The following C1orf167 variants were observed in gnomAD, a reference collection of about 807,000 sequenced individuals.
The protein encoded by C1orf167 is uncharacterized protein C1orf167.
A neutral mutation model predicts 176.5 loss-of-function variants in C1orf167; 153 were observed. That is an observed-to-expected ratio of 0.87 (90% confidence interval 0.76 to 0.99). The LOEUF (loss-of-function observed/expected upper bound fraction) is 0.99. Ranked by LOEUF, C1orf167 falls within the 50% of genes least tolerant of loss-of-function variation. C1orf167 has a pLI of 0.00. For synonymous variants in C1orf167, 594 were observed against 752.7 expected, an observed-to-expected ratio of 0.79 and a Z score of 3.45; for missense variants, 1,490 against 1,817.7, an observed-to-expected ratio of 0.82 and a Z score of 3.28.
intron 8 of C1orf167, among the ~76,000 whole-genome samples, chr1:11,773,659 G>A (rs887779152): frequency 6.6e-4 from 100 of 152,250 alleles, no homozygotes; most frequent in African/African-American, 2.1e-3. Context: ...AGTGAGCCGA[G>A]ATCGTGCCAC....
intron 16 of C1orf167, 61 bp from the exon 17 acceptor site, chr1:11,787,327 C>T (rs188514323): frequency 6.9e-5 from 75 of 1,088,508 alleles, no homozygotes; most frequent in South Asian, 5.4e-4. Flanking sequence ...GAAATCCCAG[C>T]GGGGCCCCAG....
At chr1:11,764,221 C>T (rs563580768) in intron 1 of C1orf167, 110 bp from the exon 2 acceptor site, 3 of 398,876 alleles carry the variant, frequency 7.5e-6, no homozygotes, top group East Asian at 1.5e-4. Flanking sequence ...AGGCCCCAGG[C>T]AGCTGGGACC....
intron 8 of C1orf167, among the ~76,000 whole-genome samples, chr1:11,774,148 G>A (rs1323861074): frequency 3.9e-5 from 6 of 152,040 alleles, no homozygotes; most frequent in South Asian, 2.1e-4. Context: ...CAAGCAATTC[G>A]CCCACCTTGA....
At chr1:11,777,685 AC>A (rs1401260450) in intron 10 of C1orf167, 4 of 150,824 alleles carry the variant, frequency 2.7e-5, no homozygotes, top group African/African-American at 9.8e-5. Flanking sequence ...AAAGCCACAC[AC>A]CCACATGGTC....
chr1:11,788,515 T>C, intron 19 of C1orf167, 137 bp downstream of exon 19: 1 of 1,103,282 alleles, frequency 9.1e-7, no homozygotes. Flanking sequence ...TCTGCATTCT[T>C]AATACTCCTC....
Position 11,784,335 on chromosome 1 carries a change from C to T in C1orf167, c.3167C>T (p.Ala1056Val), listed in dbSNP as rs1643739468. 1.5e-6 allele frequency: 2 copies of T among 1,303,750 alleles called. No homozygotes were observed. Among genetic ancestry groups the T allele is most frequent in the South Asian group, 2.5e-5 (2 of 80,906 alleles). The allele number at this position is 1,303,750 out of a possible 1,614,324, so 80.8% of individuals were successfully genotyped here. ...GCCGGGGCACAGGAGCAGCGTGTGG[C>T]CCAGGCCTCCCTTGCCCGCTGGAGA... is the stretch of plus-strand genomic sequence containing the variant. The part of the protein sequence containing the change: ...VAAGAQEQRV[A>V]QASLARWRSC... The change falls in exon 15 of 21, where the codon GCC becomes GTC. Residue 1056 changes from alanine to valine, a missense_variant. Coordinates refer to ENST00000688073, the MANE Select transcript of C1orf167 (RefSeq NM_001010881.2).
intron 10 of C1orf167, among the ~76,000 whole-genome samples, chr1:11,776,841 C>T (rs1037060405): frequency 6.6e-5 from 10 of 152,174 alleles, no homozygotes; most frequent in Non-Finnish European, 1.0e-4. Flanking sequence ...GGCCTAGGGA[C>T]ACTGGAACAG....
Position 11,779,068 on chromosome 1 carries a change from C to G in C1orf167, c.2639C>G (p.Thr880Ser). Reference protein sequence around the residue: ...FQGTARWYQHTRQRRIFLSWS... With the variant: ...FQGTARWYQHSRQRRIFLSWS... ...GGCACAGCCAGGTGGTACCAGCATA[C>G]CCGCCAGAGGCGGTAGGGATCCCTC... Residue 880 changes from threonine (T) to serine (S), a missense_variant, in exon 12 of 21, where the codon ACC becomes AGC. Thr to Ser is a moderately conservative substitution (Grantham distance 58, BLOSUM62 1). Transcript: ENST00000688073. 3.2e-6 allele frequency: 4 copies of G among 1,257,028 alleles called. No homozygotes were observed. The highest frequency in any genetic ancestry group is 4.1e-6 in the Non-Finnish European group (4 of 966,972). 77.9% of individuals were successfully genotyped at this position (1,257,028 alleles called of 1,614,324 possible).
In C1orf167 at chr1:11,766,942, T is replaced by C; in HGVS notation, c.1156T>C (p.Ser386Pro). 8.3e-7 allele frequency: 1 copy of C among 1,209,834 alleles called. No homozygotes were observed. Among genetic ancestry groups the C allele is most frequent in the Non-Finnish European group, 1.1e-6 (1 of 949,736 alleles). The allele number at this position is 1,209,834 out of a possible 1,614,324, so 74.9% of individuals were successfully genotyped here. Reference protein sequence around the residue: ...GVGSRGTDPCSSAFSNTAWGV... With the variant: ...GVGSRGTDPCPSAFSNTAWGV... ...GGGAAGCAGGGGGACCGACCCCTGT[T>C]CCTCAGCCTTCTCCAACACAGCCTG... The change falls in exon 3 of 21, where the codon TCC (serine) becomes CCC (proline). Residue 386 changes from serine to proline, a missense_variant. Coordinates refer to ENST00000688073, the MANE Select transcript of C1orf167 (RefSeq NM_001010881.2). The surrounding 1 kb of genome is among the most constrained non-coding windows in gnomAD (Gnocchi z 4.5).
In C1orf167 at chr1:11,788,044, T is replaced by C; in HGVS notation, c.3845T>C (p.Leu1282Pro). The change falls in exon 18 of 21, where the codon CTA (leucine) becomes CCA (proline). Residue 1282 changes from leucine to proline, a missense_variant. Physicochemically the swap from Leu to Pro is moderately conservative, Grantham distance 98. Coordinates refer to ENST00000688073, the MANE Select transcript of C1orf167 (RefSeq NM_001010881.2). ...CAAAGCAAGGCCCATAAACGGAGGC[T>C]ACGGTAAGAGGAGCTGTGTGTGCAG... The part of the protein sequence containing the change: ...KAQSKAHKRR[L>P]RARSCRILEK... 1 of 1,295,550 alleles carries C rather than the reference T, an allele frequency of 7.7e-7. No homozygotes were observed. Among genetic ancestry groups the C allele is most frequent in the Non-Finnish European group, 1.0e-6 (1 of 983,884 alleles). The allele number at this position is 1,295,550 out of a possible 1,614,324, so 80.3% of individuals were successfully genotyped here. A position where few individuals can be genotyped will look rare whatever the true frequency, so the allele number is the denominator to read the frequency against.
At chr1:11,769,388 G>A (rs1430897135) in intron 6 of C1orf167, among the ~76,000 whole-genome samples, 2 of 152,034 alleles carry the variant, frequency 1.3e-5, no homozygotes, top group South Asian at 2.1e-4. Context: ...GCAACATAGC[G>A]AGACCCCGTC....
intron 18 of C1orf167, 28 bp from the exon 19 acceptor site, chr1:11,788,121 T>A: frequency 7.8e-7 from 1 of 1,276,864 alleles, no homozygotes; most frequent in Non-Finnish European, 1.0e-6. Flanking sequence ...GCCTGAGCCA[T>A]GGCTACAGCT....
chr1:11,782,224 G>A lies in C1orf167; in HGVS notation c.2896G>A (p.Val966Met), dbSNP rs1261503102. 1 of 1,298,882 alleles carries A rather than the reference G, an allele frequency of 7.7e-7. No individual in the cohort carries two copies. The highest frequency in any genetic ancestry group is 1.0e-6 in the Non-Finnish European group (1 of 986,884). 80.5% of individuals were successfully genotyped at this position (1,298,882 alleles called of 1,614,324 possible). ...CCTGCATGAAAAGTGCCAGACATGGGTGCAGGTCCACCTCCAGGGCCTGCA... is the reference window on the plus strand; with the variant it reads ...CCTGCATGAAAAGTGCCAGACATGGATGCAGGTCCACCTCCAGGGCCTGCA... ...QFLHEKCQTW[V>M]QVHLQGLQKV... The change falls in exon 14 of 21, where the codon GTG (valine) becomes ATG (methionine). Residue 966 changes from valine to methionine, a missense_variant. Coordinates refer to ENST00000688073, the MANE Select transcript of C1orf167 (RefSeq NM_001010881.2).
At chr1:11,783,395 G>A (rs1255140093) in intron 14 of C1orf167, among the ~76,000 whole-genome samples, 2 of 151,972 alleles carry the variant, frequency 1.3e-5, no homozygotes, top group African/African-American at 4.8e-5. Flanking sequence ...TTACAGGCAT[G>A]TGGCACCACA....
chr1:11,763,742 C>A (rs966290002), intron 1 of C1orf167, among the ~76,000 whole-genome samples: 1 of 152,188 alleles, frequency 6.6e-6, no homozygotes, highest in African/African-American at 2.4e-5. Flanking sequence ...GGCTGTCGGG[C>A]GTGAGGACGA....
intron 13 of C1orf167, among the ~76,000 whole-genome samples, chr1:11,781,202 T>G (rs1051315503): frequency 2.6e-5 from 4 of 151,968 alleles, no homozygotes; most frequent in Admixed American, 1.3e-4. Context: ...TTCACCATGT[T>G]GGCCAGGCTG....
chr1:11,768,668 C>T lies in C1orf167; in HGVS notation c.1543-305C>T, dbSNP rs571634670. On this transcript the variant is annotated intron_variant, in intron 5 of 20. Transcript: ENST00000688073. The surrounding 1 kb of genome is among the most constrained non-coding windows in gnomAD (Gnocchi z 4.5). ...GTTGCTATTTTTTATTAGAGGTTTG[C>T]CAGCCAGGGCTGGGAGGGAGCATCT... is the stretch of plus-strand genomic sequence containing the variant. Among the ~76,000 whole-genome samples the T allele has an allele frequency of 3.6e-4, 55 of 152,254 alleles. No homozygotes were observed. In the South Asian group the frequency reaches 0.011, roughly 29 times the overall value.
chr1:11,776,743 G>T, intron 10 of C1orf167, 105 bp downstream of exon 10: 1 of 1,028,760 alleles, frequency 9.7e-7, no homozygotes, highest in Non-Finnish European at 1.2e-6. Flanking sequence ...ATATCCCATA[G>T]GGCAGTAACT....
Position 11,768,271 on chromosome 1 carries a change from G to C in C1orf167, c.1538G>C (p.Arg513Pro). 1 of 1,289,902 alleles carries C rather than the reference G, an allele frequency of 7.8e-7. No individual in the cohort carries two copies. The highest frequency in any genetic ancestry group is 5.5e-5 in the East Asian group (1 of 18,020). The allele number at this position is 1,289,902 out of a possible 1,614,324, so 79.9% of individuals were successfully genotyped here. ...AAGGTTCTGCTGGTCCGGAGCTTCCGAGAGGTCAGCGGTCTCCAGGTTGGG... is the reference window on the plus strand; with the variant it reads ...AAGGTTCTGCTGGTCCGGAGCTTCCCAGAGGTCAGCGGTCTCCAGGTTGGG... ...YTKVLLVRSF[R>P]EWRNLALQQK... Residue 513 changes from arginine (R) to proline (P), a missense_variant, in exon 5 of 21, where the codon CGA (arginine) becomes CCA (proline). Coordinates refer to ENST00000688073, the MANE Select transcript of C1orf167 (RefSeq NM_001010881.2). The surrounding 1 kb of genome is among the most constrained non-coding windows in gnomAD (Gnocchi z 4.5).
Sources: gnomAD v4.1 joint callset for allele counts (sites outside exome capture counted in the v4.1 genomes callset) on GRCh38, gnomAD v4.1.1 for gene constraint, Gnocchi (gnomAD v3.1) non-coding constraint, MANE v1.5 for transcripts, NCBI Gene and HGNC (gene_info 2026-07-23, HGNC 2026-07-21) for gene names.